The following PUDP variants were observed in gnomAD, a reference collection of about 807,000 sequenced individuals.
The protein encoded by PUDP is pseudouridine 5'-phosphatase.
A neutral mutation model predicts 9.4 loss-of-function variants in PUDP; 8 were observed. That is an observed-to-expected ratio of 0.85 (90% CI 0.50 to 1.53). The LOEUF (loss-of-function observed/expected upper bound fraction) is 1.53. Among genes scored for constraint, PUDP ranks in the 40% most tolerant of loss-of-function variants. The pLI is 0.00. For synonymous variants in PUDP, 99 were observed against 80.7 expected (o/e 1.23, Z -1.22); for missense variants, 188 against 189.7 (o/e 0.99, Z 0.05).
In PUDP at chrX:6,983,722, G is replaced by C. The variant is rs915771672; in HGVS notation, c.205-5379C>G. On this transcript the variant is annotated intron_variant and NMD_transcript_variant, in intron 1 of 3. Transcript: ENST00000655425. Reference sequence around the variant, plus strand: ...ATAAGGACAGTTTAGAGGTTATGAGGTAAGAAAATAGAATCTGGAGGCAAG... The same window carrying C: ...ATAAGGACAGTTTAGAGGTTATGAGCTAAGAAAATAGAATCTGGAGGCAAG... 3.6e-5 allele frequency among the ~76,000 whole-genome samples: 4 copies of C among 112,097 alleles called. No homozygotes were observed. The South Asian group carries it at 1.5e-3, about 42-fold the overall frequency.
chrX:6,790,899 T>C (rs1263146674), intron 3 of PUDP, among the ~76,000 whole-genome samples: 3 of 112,111 alleles, frequency 2.7e-5, no homozygotes, highest in African/African-American at 9.7e-5. Flanking sequence ...CTGCATTACA[T>C]TGTACGTAAA....
intron 3 of PUDP, among the ~76,000 whole-genome samples, chrX:6,770,355 C>T (rs890449568): frequency 2.7e-5 from 3 of 112,389 alleles, no homozygotes; most frequent in Admixed American, 9.4e-5. Context: ...TATTATCTGG[C>T]CCTTTGCAGA....
In PUDP at chrX:7,115,879, C is replaced by T. The variant is rs369359330; in HGVS notation, c.62-10041G>A. 3.6e-5 allele frequency among the ~76,000 whole-genome samples: 4 copies of T among 112,511 alleles called. No individual in the cohort carries two copies. The South Asian group carries it at 1.1e-3, about 31-fold the overall frequency. ...GGAGTGAGGCCAAACCACACCACCT[C>T]TTTGCATGGACTGGAAGAGTCTATC... On this transcript the variant is annotated intron_variant, in intron 1 of 3. Coordinates refer to ENST00000381077, the MANE Select transcript of PUDP (RefSeq NM_012080.5).
intron 3 of PUDP, among the ~76,000 whole-genome samples, chrX:6,754,646 T>C (rs1925149162): frequency 9.2e-6 from 1 of 108,124 alleles, no homozygotes; most frequent in Non-Finnish European, 1.9e-5. Context: ...AAATATTATA[T>C]ATTATATTTA....
At chrX:7,129,946 C>T (rs2146925240) in intron 1 of PUDP, among the ~76,000 whole-genome samples, 1 of 111,821 alleles carries the variant, frequency 8.9e-6, no homozygotes, top group East Asian at 2.8e-4. Context: ...TGACACGGAG[C>T]ACCGCCCAAC....
In PUDP at chrX:6,916,233, CA is replaced by C. The variant is rs1569122760; in HGVS notation, c.*247+60899del. ...ACACACACACACACACACACACACA[CA>C]CACACACACACACACCCTGGGGAAC... On this transcript the variant is annotated intron_variant and NMD_transcript_variant, in intron 3 of 3. Coordinates refer to the PUDP transcript ENST00000655425. Among the ~76,000 whole-genome samples, 586 of 97,239 alleles carry C rather than the reference CA, an allele frequency of 6.0e-3. 2 individuals are homozygous for C. The highest frequency in any genetic ancestry group is 0.022 in the African/African-American group (538 of 24,005). The allele number at this position is 97,239 out of a possible 115,157, so 84.4% of individuals were successfully genotyped here. A position where few individuals can be genotyped will look rare whatever the true frequency, so the allele number is the denominator to read the frequency against.
At chrX:6,714,094 G>A (rs1183830701) in intron 1 of PUDP, among the ~76,000 whole-genome samples, 1 of 110,874 alleles carries the variant, frequency 9.0e-6, no homozygotes, top group African/African-American at 3.3e-5. Flanking sequence ...GTTTTACTAT[G>A]TTGCCCAGGC....
At chrX:6,932,539 A>AGCGAC (rs1928208381) in intron 3 of PUDP, among the ~76,000 whole-genome samples, 1 of 111,559 alleles carries the variant, frequency 9.0e-6, no homozygotes, top group Non-Finnish European at 1.9e-5. Context: ...TCCCAGCGTG[A>AGCGAC]GCGACGCAGA....
At chrX:7,081,971 C>G (rs1261969077) in intron 2 of PUDP, among the ~76,000 whole-genome samples, 1 of 112,648 alleles carries the variant, frequency 8.9e-6, no homozygotes, top group African/African-American at 3.2e-5. Context: ...AAAGAGTGCA[C>G]ACAAACTTTG....
At chrX:6,936,878 A>G in intron 3 of PUDP, among the ~76,000 whole-genome samples, 1 of 95,063 alleles carries the variant, frequency 1.1e-5, no homozygotes, top group Non-Finnish European at 2.1e-5. Flanking sequence ...ACTCCCATTC[A>G]CAATTGCTTC....
chrX:6,790,465 T>C (rs1408082460), intron 3 of PUDP, among the ~76,000 whole-genome samples: 3 of 112,386 alleles, frequency 2.7e-5, no homozygotes, highest in Non-Finnish European at 5.6e-5. Context: ...TGAGTTAATC[T>C]CAATCATCTT....
intron 3 of PUDP, among the ~76,000 whole-genome samples, chrX:6,730,104 TG>T (rs1366637571): frequency 8.9e-6 from 1 of 112,080 alleles, no homozygotes; most frequent in East Asian, 2.8e-4. Context: ...ATTCCCAACA[TG>T]AGTGGAGGTG....
rs769303563 is a variant in PUDP, at chrX:6,889,468, G to C, written c.*247+87665C>G. On this transcript the variant is annotated intron_variant and NMD_transcript_variant, in intron 3 of 3. Transcript: ENST00000655425. ...CAGTCATGAGCCACTGAGCCCAGCAGACATTTTCCTTTATCTTTCTATTGA... is the reference window on the plus strand; with the variant it reads ...CAGTCATGAGCCACTGAGCCCAGCACACATTTTCCTTTATCTTTCTATTGA... Among the ~76,000 whole-genome samples the C allele has an allele frequency of 6.3e-5, 7 of 111,596 alleles. No homozygotes were observed. The South Asian group carries it at 2.7e-3, about 43-fold the overall frequency.
At chrX:6,819,155 A>C (rs1926297705) in intron 3 of PUDP, among the ~76,000 whole-genome samples, 1 of 111,880 alleles carries the variant, frequency 8.9e-6, no homozygotes. Context: ...AATATATTAA[A>C]GACTGGGGTG....
chrX:6,733,358 G>A (rs760114538), intron 3 of PUDP, among the ~76,000 whole-genome samples: 53 of 111,772 alleles, frequency 4.7e-4, no homozygotes, highest in Non-Finnish European at 7.9e-4. Flanking sequence ...GAATGGGAAG[G>A]AGGAGCTAGG....
chrX:6,960,868 T>C (rs1198184461), intron 3 of PUDP, among the ~76,000 whole-genome samples: 1 of 111,019 alleles, frequency 9.0e-6, no homozygotes, highest in South Asian at 3.8e-4. Flanking sequence ...CACCATATGA[T>C]CCATGGAACA....
intron 3 of PUDP, among the ~76,000 whole-genome samples, chrX:6,743,733 C>T (rs1198709260): frequency 9.0e-6 from 1 of 111,722 alleles, no homozygotes; most frequent in African/African-American, 3.3e-5. Context: ...ATCATCCAAA[C>T]ACAAACCACA....
chrX:7,036,172 T>C (rs1166878585), intron 1 of PUDP, among the ~76,000 whole-genome samples: 1 of 112,045 alleles, frequency 8.9e-6, no homozygotes, highest in African/African-American at 3.2e-5. Flanking sequence ...CCTCAGGTAT[T>C]CTTTATAGCA....
At chrX:6,775,506 C>T (rs111734147) in intron 3 of PUDP, among the ~76,000 whole-genome samples, 1 of 101,950 alleles carries the variant, frequency 9.8e-6, no homozygotes, top group Non-Finnish European at 2.0e-5. Context: ...CACACACATA[C>T]ACACACACAC....
Sources: gnomAD v4.1 joint callset for allele counts (sites outside exome capture counted in the v4.1 genomes callset) on GRCh38, gnomAD v4.1.1 for gene constraint, MANE v1.5 for transcripts, NCBI Gene and HGNC (gene_info 2026-07-23, HGNC 2026-07-21) for gene names.